GPR179: variants seen among roughly 807,000 people sequenced by gnomAD.
The protein encoded by GPR179 is probable G protein-coupled receptor 179.
GPR179 carries 52 observed loss-of-function variants against 70.8 expected under a neutral mutation model. The observed-to-expected ratio is 0.73, with a 90% CI of 0.59 to 0.93. GPR179 has a LOEUF of 0.93. Among genes scored for constraint, GPR179 ranks in the 40% least tolerant of loss-of-function variants. The probability of loss-of-function intolerance (pLI) is 0.00; values close to 1 mark genes in which losing one functional copy is unlikely to be tolerated. For missense variants in GPR179, 2,734 were observed against 2,966.8 expected, an observed-to-expected ratio of 0.92 and a Z score of 1.82; for synonymous variants, 1,123 against 1,169.0, an observed-to-expected ratio of 0.96 and a Z score of 0.80.
At position 38,328,784 on chromosome 17, in the gene GPR179, C is replaced by T; in HGVS notation, c.4785G>A (p.Trp1595Ter). ...CCTCTCTTGTTCTTTCATTTACCTC[C>T]CAGGGACAGATTTCTGTTTTGGCAG... ...ATPAKTEICP[W>*]EVNERTREEW... The change falls in exon 11 of 11, where the codon TGG becomes TGA. Residue 1595 changes from tryptophan to a stop codon, truncating the protein, a stop_gained. Coordinates refer to ENST00000616987, the MANE Select transcript of GPR179 (RefSeq NM_001004334.4). LOFTEE classifies it low-confidence loss of function (END_TRUNC). 6.2e-7 allele frequency: 1 copy of T among 1,614,180 alleles called. No homozygotes were observed. Among genetic ancestry groups the T allele is most frequent in the Non-Finnish European group, 8.5e-7 (1 of 1,180,022 alleles).
Position 38,327,580 on chromosome 17 carries a change from C to G in GPR179, c.5989G>C (p.Val1997Leu). The G allele has an allele frequency of 1.2e-6, 2 of 1,614,122 alleles. No individual in the cohort carries two copies. The change falls in exon 11 of 11, where the codon GTG (valine) becomes CTG (leucine). Residue 1997 changes from valine to leucine, a missense_variant. Physicochemically the swap from Val to Leu is conservative, Grantham distance 32. Coordinates refer to ENST00000616987, the MANE Select transcript of GPR179 (RefSeq NM_001004334.4). ...LVSTGGRAAD[V>L]CPWDVPDAGV... ...GCATCAGGAACATCCCATGGGCACACGTCAGCGGCCCTGCCCCCAGTGCTG... is the reference window on the plus strand; with the variant it reads ...GCATCAGGAACATCCCATGGGCACAGGTCAGCGGCCCTGCCCCCAGTGCTG...
In GPR179 at chr17:38,329,318, T is replaced by C. The variant is rs2037326356; in HGVS notation, c.4251A>G (p.Glu1417=). The change falls in exon 11 of 11, where the codon GAA becomes GAG. Residue 1417 remains glutamate (E), a synonymous_variant. Coordinates refer to ENST00000616987, the MANE Select transcript of GPR179 (RefSeq NM_001004334.4). ...ACTCCAAGTCTCCTCCCGGTTTCTG[T>C]TCTTTCCAAAAGGTTGCTTTCCTGG... is the stretch of plus-strand genomic sequence containing the variant. ...QKTRKATFWK[E]QKPGGDLESL... is the part of the protein sequence containing the mutation. 6.2e-7 allele frequency: 1 copy of C among 1,612,808 alleles called. No homozygotes were observed. Among genetic ancestry groups the C allele is most frequent in the African/African-American group, 1.3e-5 (1 of 74,748 alleles).
At chr17:38,342,349 T>TTC (rs904849914) in intron 1 of GPR179, among the ~76,000 whole-genome samples, 10 of 151,930 alleles carry the variant, frequency 6.6e-5, no homozygotes, top group African/African-American at 2.4e-4. Context: ...TTTTTTTTTT[T>TTC]TGAGACAGAG....
chr17:38,333,072 T>C (rs1055983151), intron 10 of GPR179, among the ~76,000 whole-genome samples, 179 bp downstream of exon 10: 4 of 152,228 alleles, frequency 2.6e-5, no homozygotes, highest in Admixed American at 2.0e-4. Context: ...CTTGGGTGTG[T>C]GTGGCCTCCT....
Position 38,335,686 on chromosome 17 carries a change from G to T in GPR179, c.1311C>A (p.Tyr437Ter). The T allele has an allele frequency of 1.9e-6, 3 of 1,613,554 alleles. No homozygotes were observed. The highest frequency in any genetic ancestry group is 1.6e-4 in the Middle Eastern group (1 of 6,062). Residue 437 changes from tyrosine to a stop codon, truncating the protein, a stop_gained, in exon 6 of 11, where the codon TAC becomes TAA. Coordinates refer to ENST00000616987, the MANE Select transcript of GPR179 (RefSeq NM_001004334.4). LOFTEE classifies it high-confidence loss of function. ...LLLYFPVFIL[Y>*]FKPSVFRCIA... is the part of the protein sequence containing the mutation. ...TGCAGCGGAATACACTGGGCTTGAA[G>T]TATAGGATGAAGACCTGGTGGGAAG...
intron 3 of GPR179, 99 bp downstream of exon 3, chr17:38,337,534 C>T: frequency 9.4e-7 from 1 of 1,066,318 alleles, no homozygotes; most frequent in Non-Finnish European, 1.4e-6. Flanking sequence ...CAAGTTCCCT[C>T]CCAGTGTCTC....
rs771374705 is a variant in GPR179 at position 38,331,312 on chromosome 17, G to A, written c.2257C>T (p.Arg753Trp). ...HGSLPGSSRR[R>W]LLSSSLQEPE... ...TCCTGGAGGCTGGAGCTGAGGAGCC[G>A]GCGGCGGGAGGAGCCGGGCAGGCTG... Residue 753 changes from arginine to tryptophan, a missense_variant, in exon 11 of 11, where the codon CGG (arginine) becomes TGG (tryptophan). By Grantham distance (101) the Arg-to-Trp change is moderately radical. Transcript: ENST00000616987. 2.1e-5 allele frequency: 33 copies of A among 1,604,266 alleles called. No individual in the cohort carries two copies. The highest frequency in any genetic ancestry group is 1.9e-4 in the Middle Eastern group (1 of 5,326).
rs1039599002 is a variant in GPR179, at chr17:38,343,869, G to A, written c.-80C>T. 24 of 1,154,014 alleles carry A rather than the reference G, an allele frequency of 2.1e-5. No homozygotes were observed. The highest frequency in any genetic ancestry group is 2.5e-4 in the Middle Eastern group (1 of 4,000). 71.5% of individuals were successfully genotyped at this position (1,154,014 alleles called of 1,614,324 possible). ...GGCTGGCTGCAGTCTGGGGGCTGTCGGCCTCCACGCCTCCTATGCTGGCGT... is the reference window on the plus strand; with the variant it reads ...GGCTGGCTGCAGTCTGGGGGCTGTCAGCCTCCACGCCTCCTATGCTGGCGT... On this transcript the variant is annotated 5_prime_UTR_variant, in exon 1 of 11. Transcript: ENST00000616987. The surrounding 1 kb of genome is among the most constrained non-coding windows in gnomAD (Gnocchi z 4.2).
chr17:38,335,483 AG>A (rs2037396597), intron 6 of GPR179, 107 bp downstream of exon 6: 1 of 860,836 alleles, frequency 1.2e-6, no homozygotes, highest in Admixed American at 2.0e-5. Context: ...TTGGGGGTAG[AG>A]GGGAGTGGGG....
intron 2 of GPR179, among the ~76,000 whole-genome samples, chr17:38,338,266 G>T (rs1485746988): frequency 1.3e-5 from 2 of 152,226 alleles, no homozygotes; most frequent in African/African-American, 2.4e-5. Flanking sequence ...GGATGCCAAG[G>T]CCAGCCTTTA....
In GPR179 at chr17:38,329,992, C is replaced by T. The variant is rs2037336268; in HGVS notation, c.3577G>A (p.Glu1193Lys). ...MTQGLGERKAERAGKTGLAML... is the reference protein window; with the variant it reads ...MTQGLGERKAKRAGKTGLAML... ...GCAAGCCCTGTTTTACCTGCTCTCT[C>T]AGCTTTCCGTTCCCCTAGACCCTGG... The change falls in exon 11 of 11, where the codon GAG becomes AAG. Residue 1193 changes from glutamate to lysine, a missense_variant. Physicochemically the swap from Glu to Lys is moderately conservative, Grantham distance 56. Coordinates refer to ENST00000616987, the MANE Select transcript of GPR179 (RefSeq NM_001004334.4). 2 of 1,614,132 alleles carry T rather than the reference C, an allele frequency of 1.2e-6. No individual in the cohort carries two copies. The highest frequency in any genetic ancestry group is 1.7e-6 in the Non-Finnish European group (2 of 1,180,052).
Position 38,334,151 on chromosome 17 carries a change from G to T in GPR179, c.1785-113C>A. The T allele has an allele frequency of 1.3e-6, 1 of 782,434 alleles. No individual in the cohort carries two copies. The highest frequency in any genetic ancestry group is 2.6e-5 in the East Asian group (1 of 38,764). The allele number at this position is 782,434 out of a possible 1,614,324, so 48.5% of individuals were successfully genotyped here. ...CAACCCTGATACGCTTAGGACGAGG[G>T]GGCATTCTGCCCTCTCCTGCCCTCT... On this transcript the variant is annotated intron_variant, in intron 8 of 10. Coordinates refer to ENST00000616987, the MANE Select transcript of GPR179 (RefSeq NM_001004334.4). This position sits in a 1 kb window ranked among gnomAD's most constrained non-coding sequence, Gnocchi z 4.7.
intron 1 of GPR179, among the ~76,000 whole-genome samples, chr17:38,340,317 T>C (rs1256919266): frequency 2.4e-4 from 37 of 152,174 alleles, no homozygotes; most frequent in Admixed American, 2.4e-3. Flanking sequence ...TTAAAAATTA[T>C]TTTTAGTGGA....
chr17:38,325,140 G>T lies in GPR179; in HGVS notation c.*1325C>A, dbSNP rs886848120. Among the ~76,000 whole-genome samples the T allele has an allele frequency of 6.6e-6, 1 of 151,936 alleles. No homozygotes were observed. The highest frequency in any genetic ancestry group is 6.6e-5 in the Admixed American group (1 of 15,234). On this transcript the variant is annotated 3_prime_UTR_variant, in exon 11 of 11. Transcript: ENST00000616987. ...CCTTTGCCAATCTTGGGACTTCTTT[G>T]TATGTTTTTCTCCTTCTTCCTTTCC... is the stretch of plus-strand genomic sequence containing the variant.
At chr17:38,339,630 A>C (rs1480876184) in intron 1 of GPR179, 105 bp from the exon 2 acceptor site, 7 of 778,236 alleles carry the variant, frequency 9.0e-6, no homozygotes, top group Non-Finnish European at 1.3e-5. Context: ...GAATTATGGC[A>C]CTTTGGCATG....
chr17:38,327,110 T>G lies in GPR179; in HGVS notation c.6459A>C (p.Gly2153=). The change falls in exon 11 of 11, where the codon GGA becomes GGC. Residue 2153 remains glycine, a synonymous_variant. Coordinates refer to ENST00000616987, the MANE Select transcript of GPR179 (RefSeq NM_001004334.4). ...GEQERESQGQ[G]EMFLQKAGPG... ...GTCCTGCCTTCTGAAGGAACATCTC[T>G]CCTTGCCCTTGTGATTCTCTTTCCT... The G allele has an allele frequency of 6.2e-7, 1 of 1,614,228 alleles. No individual in the cohort carries two copies. The highest frequency in any genetic ancestry group is 8.5e-7 in the Non-Finnish European group (1 of 1,180,038).
At chr17:38,339,557 G>C (rs550739794) in intron 1 of GPR179, 32 bp from the exon 2 acceptor site, 2 of 1,473,854 alleles carry the variant, frequency 1.4e-6, no homozygotes, top group Non-Finnish European at 1.9e-6. Flanking sequence ...TAGGGGCACA[G>C]TGATTGATGC....
At chr17:38,336,819 G>A (rs1156795102) in intron 4 of GPR179, among the ~76,000 whole-genome samples, 159 bp downstream of exon 4, 1 of 152,240 alleles carries the variant, frequency 6.6e-6, no homozygotes, top group East Asian at 1.9e-4. Flanking sequence ...TGAGGAAGCA[G>A]GTCCAAGGCG....
At chr17:38,340,743 C>A (rs1455035151) in intron 1 of GPR179, among the ~76,000 whole-genome samples, 1 of 152,116 alleles carries the variant, frequency 6.6e-6, no homozygotes, top group Non-Finnish European at 1.5e-5. Context: ...CATGGAGAAA[C>A]CTTGTCTCTA....
Sources: gnomAD v4.1 joint callset for allele counts (sites outside exome capture counted in the v4.1 genomes callset) on GRCh38, gnomAD v4.1.1 for gene constraint, Gnocchi (gnomAD v3.1) non-coding constraint, MANE v1.5 for transcripts, NCBI Gene and HGNC (gene_info 2026-07-23, HGNC 2026-07-21) for gene names.